The following OR6N1 variants were observed in gnomAD, a reference collection of about 807,000 sequenced individuals.
OR6N1 encodes olfactory receptor family 6 subfamily N member 1.
For missense variants in OR6N1, 394 were observed against 371.7 expected, an observed-to-expected ratio of 1.06 and a Z score of -0.49; for synonymous variants, 170 against 150.7, an observed-to-expected ratio of 1.13 and a Z score of -0.94.
At chr1:158,783,415 T>C in the OR6N1 span, among the ~76,000 whole-genome samples, 2 of 152,224 alleles carry the variant, frequency 1.3e-5, no homozygotes, top group African/African-American at 4.8e-5. Context: ...AGAAATGAGC[T>C]AAATATCCTA....
In OR6N1 at chr1:158,766,054, G is replaced by T. The variant is rs1381587199; in HGVS notation, c.629C>A (p.Thr210Asn). Reference sequence around the variant, plus strand: ...ATAGGAGCAGAGGATCAGCAGGAAGGTGGCTAGGATCTTGCAGGAATTTAT... The same window carrying T: ...ATAGGAGCAGAGGATCAGCAGGAAGTTGGCTAGGATCTTGCAGGAATTTAT... ...FVINSCKILA[T>N]FLLILCSYVQ... The change falls in exon 2 of 2, where the codon ACC becomes AAC. Residue 210 changes from threonine to asparagine, a missense_variant. Coordinates refer to ENST00000641846, the MANE Select transcript of OR6N1 (RefSeq NM_001005185.2). 6.2e-7 allele frequency: 1 copy of T among 1,614,180 alleles called. No individual in the cohort carries two copies. The highest frequency in any genetic ancestry group is 1.1e-5 in the South Asian group (1 of 91,086).
At chr1:158,808,752 T>G in the OR6N1 span, 1 of 152,536 alleles carries the variant, frequency 6.6e-6, no homozygotes, top group Non-Finnish European at 1.5e-5. Flanking sequence ...CCATGGGCCC[T>G]AGCATGCCAG....
chr1:158,837,723 A>G, the OR6N1 span, among the ~76,000 whole-genome samples: 1 of 151,962 alleles, frequency 6.6e-6, no homozygotes. Flanking sequence ...ATTTGAACTA[A>G]TTATTGATAA....
chr1:158,800,436 T>C, the OR6N1 span, among the ~76,000 whole-genome samples: 1 of 152,340 alleles, frequency 6.6e-6, no homozygotes, highest in South Asian at 2.1e-4. Flanking sequence ...TGCCTTTATT[T>C]AGGATCCACC....
Position 158,765,805 on chromosome 1 carries a change from C to T in OR6N1, c.878G>A (p.Arg293His), listed in dbSNP as rs857824. Residue 293 changes from arginine (R) to histidine (H), a missense_variant, in exon 2 of 2, where the codon CGC (arginine) becomes CAC (histidine). By Grantham distance (29) the Arg-to-His change is conservative. Coordinates refer to ENST00000641846, the MANE Select transcript of OR6N1 (RefSeq NM_001005185.2). ...CACAGCCTCCTTGATCTCCTTGTTG[C>T]GCAAGCTGTAGATGAAGGGGTTGAG... Reference protein sequence around the residue: ...PFLNPFIYSLRNKEIKEAVRR... With the variant: ...PFLNPFIYSLHNKEIKEAVRR... 0.71 allele frequency: 1,143,955 copies of T among 1,613,630 alleles called. 409,873 individuals carry two copies. Among genetic ancestry groups the T allele is most frequent in the Admixed American group, 0.78 (46,816 of 60,018 alleles).
chr1:158,818,696 T>G, the OR6N1 span, among the ~76,000 whole-genome samples: 1 of 152,176 alleles, frequency 6.6e-6, no homozygotes, highest in Non-Finnish European at 1.5e-5. Context: ...GAGCAATGTG[T>G]ACAAAACAGG....
At chr1:158,769,320 C>T (rs1179935084) in intron 1 of OR6N1, among the ~76,000 whole-genome samples, 3 of 151,994 alleles carry the variant, frequency 2.0e-5, no homozygotes, top group Non-Finnish European at 4.4e-5. Flanking sequence ...TGCACCACCA[C>T]GCCTGGCTAA....
the OR6N1 span, among the ~76,000 whole-genome samples, chr1:158,819,881 G>T: frequency 2.0e-5 from 3 of 152,026 alleles, no homozygotes; most frequent in Non-Finnish European, 4.4e-5. Flanking sequence ...AGTTCAGCTC[G>T]GTCAGGGAGA....
chr1:158,829,077 C>T, the OR6N1 span, among the ~76,000 whole-genome samples: 2 of 152,194 alleles, frequency 1.3e-5, no homozygotes, highest in African/African-American at 4.8e-5. Context: ...CCCGTGAAAC[C>T]ACTTTTTCCT....
chr1:158,765,806 G>A lies in OR6N1; in HGVS notation c.877C>T (p.Arg293Cys), dbSNP rs374669232. ...PFLNPFIYSLRNKEIKEAVRR... is the reference protein window; with the variant it reads ...PFLNPFIYSLCNKEIKEAVRR... ...ACAGCCTCCTTGATCTCCTTGTTGC[G>A]CAAGCTGTAGATGAAGGGGTTGAGG... is the stretch of plus-strand genomic sequence containing the variant. The change falls in exon 2 of 2, where the codon CGC becomes TGC. Residue 293 changes from arginine (R) to cysteine (C), a missense_variant. Physicochemically the swap from Arg to Cys is radical, Grantham distance 180 (BLOSUM62 -3). Transcript: ENST00000641846. 65 of 1,614,136 alleles carry A rather than the reference G, an allele frequency of 4.0e-5. No individual in the cohort carries two copies. Among genetic ancestry groups the A allele is most frequent in the Admixed American group, 2.8e-4 (17 of 60,024 alleles).
chr1:158,786,377 A>T, the OR6N1 span, among the ~76,000 whole-genome samples: 6 of 152,360 alleles, frequency 3.9e-5, no homozygotes, highest in Non-Finnish European at 8.8e-5. Flanking sequence ...CGAAAAAGGA[A>T]CATTTTTACA....
chr1:158,773,926 C>T (rs1657490388), upstream of OR6N1, among the ~76,000 whole-genome samples: 2 of 152,260 alleles, frequency 1.3e-5, no homozygotes, highest in South Asian at 4.1e-4. Context: ...TTTGAGATAG[C>T]CTGCCATTTT....
rs368908944 is a variant in OR6N1 at position 158,765,739 on chromosome 1, C to T, written c.*5G>A. On this transcript the variant is annotated 3_prime_UTR_variant, in exon 2 of 2. Transcript: ENST00000641846. ...GCCCGGCCTTGGCCTACTCTCAGCCCCAACTCATGCCAATATCCCAATTCT... is the reference window on the plus strand; with the variant it reads ...GCCCGGCCTTGGCCTACTCTCAGCCTCAACTCATGCCAATATCCCAATTCT... 3.1e-6 allele frequency: 5 copies of T among 1,607,984 alleles called. No individual in the cohort carries two copies. The Middle Eastern group carries it at 4.9e-4, about 159-fold the overall frequency.
chr1:158,767,057 A>T (rs1657294511), intron 1 of OR6N1, among the ~76,000 whole-genome samples: 1 of 152,236 alleles, frequency 6.6e-6, no homozygotes, highest in Admixed American at 6.5e-5. Context: ...TTGTTCATCT[A>T]AGGTAAAAAT....
chr1:158,765,724 G>A lies in OR6N1; in HGVS notation c.*20C>T. 1.3e-6 allele frequency: 2 copies of A among 1,591,972 alleles called. No individual in the cohort carries two copies. Among genetic ancestry groups the A allele is most frequent in the Non-Finnish European group, 1.7e-6 (2 of 1,162,374 alleles). On this transcript the variant is annotated 3_prime_UTR_variant, in exon 2 of 2. Transcript: ENST00000641846. The stretch of plus-strand genomic sequence containing the variant: ...CCACCATATCCTCAGGCCCGGCCTT[G>A]GCCTACTCTCAGCCCCAACTCATGC...
At chr1:158,835,614 G>T in the OR6N1 span, among the ~76,000 whole-genome samples, 3 of 62,424 alleles carry the variant, frequency 4.8e-5, no homozygotes, top group African/African-American at 1.2e-4. Flanking sequence ...CCTATTTTTG[G>T]TGGGGGCGGG....
the OR6N1 span, among the ~76,000 whole-genome samples, chr1:158,780,464 A>G: frequency 6.6e-6 from 1 of 152,302 alleles, no homozygotes; most frequent in South Asian, 2.1e-4. Flanking sequence ...AGAGAATACA[A>G]TATAGATGCT....
At chr1:158,778,854 A>T in the OR6N1 span, among the ~76,000 whole-genome samples, 1 of 151,732 alleles carries the variant, frequency 6.6e-6, no homozygotes, top group African/African-American at 2.4e-5. Flanking sequence ...CTCTACTAAA[A>T]ATACAAAAAA....
chr1:158,772,727 G>T (rs1323627654), upstream of OR6N1, among the ~76,000 whole-genome samples: 1 of 152,124 alleles, frequency 6.6e-6, no homozygotes. Flanking sequence ...TCCGTAAAGA[G>T]TGCTGCTTCA....
Sources: gnomAD v4.1 joint callset for allele counts (sites outside exome capture counted in the v4.1 genomes callset) on GRCh38, gnomAD v4.1.1 for gene constraint, MANE v1.5 for transcripts, NCBI Gene and HGNC (gene_info 2026-07-23, HGNC 2026-07-21) for gene names.